The following HMGB1 variants were observed in gnomAD, a reference collection of about 807,000 sequenced individuals.
HMGB1 encodes the protein high mobility group protein B1.
For synonymous variants in HMGB1, 81 were observed against 84.0 expected, an observed-to-expected ratio of 0.96 and a Z score of 0.19; for missense variants, 79 against 253.5, an observed-to-expected ratio of 0.31 and a Z score of 4.67.
chr13:30,608,363 T>G (rs1054424423), intron 1 of HMGB1, among the ~76,000 whole-genome samples: 7 of 152,182 alleles, frequency 4.6e-5, no homozygotes, highest in Admixed American at 1.3e-4. Flanking sequence ...ACTTCATAAC[T>G]TATTTAGGTA....
intron 1 of HMGB1, chr13:30,541,112 T>G (rs1868856677): frequency 6.6e-6 from 1 of 152,194 alleles, no homozygotes; most frequent in Non-Finnish European, 1.5e-5. Flanking sequence ...GAATTTAGAT[T>G]TCCTAGCATT....
intron 1 of HMGB1, among the ~76,000 whole-genome samples, chr13:30,507,234 C>T (rs912787214): frequency 2.6e-5 from 4 of 152,186 alleles, no homozygotes; most frequent in Admixed American, 1.3e-4. Context: ...CTAATTTGGC[C>T]ACTTCCTGCT....
intron 1 of HMGB1, among the ~76,000 whole-genome samples, chr13:30,584,100 CAAAAT>C (rs1192520075): frequency 6.6e-6 from 1 of 151,664 alleles, no homozygotes; most frequent in Non-Finnish European, 1.5e-5. Context: ...AGGAAGGAAA[CAAAAT>C]AAAATAAAAT....
Position 30,457,546 on chromosome 13 carries a change from A to C in HMGB1, c.*3811T>G, listed in dbSNP as rs977060500. 3.3e-5 allele frequency: 5 copies of C among 152,212 alleles called. No individual in the cohort carries two copies. Among genetic ancestry groups the C allele is most frequent in the Non-Finnish European group, 7.3e-5 (5 of 68,044 alleles). The allele number at this position is 152,212 out of a possible 1,614,324, so 9.4% of individuals were successfully genotyped here. A position where few individuals can be genotyped will look rare whatever the true frequency, so the allele number is the denominator to read the frequency against. ...CCTGGGCAACATAGAGATTCTATGT[A>C]ATCTCTCATGTCAAAATAAGTAAAA... On this transcript the variant is annotated 3_prime_UTR_variant, in exon 5 of 5. Transcript: ENST00000341423.
intron 1 of HMGB1, among the ~76,000 whole-genome samples, chr13:30,492,748 T>C (rs1887524907): frequency 6.6e-6 from 1 of 152,072 alleles, no homozygotes; most frequent in South Asian, 2.1e-4. Context: ...CCTAGCACTT[T>C]GGGAGGCTGA....
chr13:30,495,977 A>C (rs1887602181), intron 1 of HMGB1, among the ~76,000 whole-genome samples: 1 of 152,182 alleles, frequency 6.6e-6, no homozygotes, highest in Non-Finnish European at 1.5e-5. Flanking sequence ...TAGACTCTAC[A>C]ACCATCTAGA....
chr13:30,544,994 T>C (rs756057787), intron 1 of HMGB1, among the ~76,000 whole-genome samples: 2 of 152,222 alleles, frequency 1.3e-5, no homozygotes, highest in Non-Finnish European at 2.9e-5. Flanking sequence ...TTATATAGCC[T>C]CTGATCTTGT....
At chr13:30,482,967 T>TC (rs1000490491) in intron 1 of HMGB1, among the ~76,000 whole-genome samples, 1 of 147,334 alleles carries the variant, frequency 6.8e-6, no homozygotes, top group African/African-American at 2.5e-5. Flanking sequence ...TTTTTTTTTT[T>TC]CCGTAGAGAC....
chr13:30,500,646 A>C (rs1481719799), intron 1 of HMGB1, among the ~76,000 whole-genome samples: 1 of 149,942 alleles, frequency 6.7e-6, no homozygotes, highest in Non-Finnish European at 1.5e-5. Context: ...GGTTCAAGCG[A>C]TTCTCCTGCC....
intron 1 of HMGB1, among the ~76,000 whole-genome samples, chr13:30,562,212 G>A (rs994147371): frequency 1.3e-5 from 2 of 151,080 alleles, no homozygotes; most frequent in Non-Finnish European, 2.9e-5. Context: ...CAGGAGAATC[G>A]CTTGAACCCA....
At chr13:30,565,633 G>T (rs894564244) in intron 1 of HMGB1, among the ~76,000 whole-genome samples, 1 of 152,216 alleles carries the variant, frequency 6.6e-6, no homozygotes, top group Non-Finnish European at 1.5e-5. Flanking sequence ...ATTCTGATTA[G>T]GTTAGGTCTG....
chr13:30,582,295 A>T (rs1870932746), intron 1 of HMGB1, among the ~76,000 whole-genome samples: 1 of 152,218 alleles, frequency 6.6e-6, no homozygotes, highest in African/African-American at 2.4e-5. Context: ...TTAAAAATAC[A>T]TTATTTTAAA....
chr13:30,547,857 G>T (rs1337450314), intron 1 of HMGB1, among the ~76,000 whole-genome samples: 1 of 152,160 alleles, frequency 6.6e-6, no homozygotes, highest in Non-Finnish European at 1.5e-5. Flanking sequence ...GGCAGAGGCT[G>T]CAGTGAGCCA....
intron 1 of HMGB1, among the ~76,000 whole-genome samples, chr13:30,491,807 A>C (rs751827942): frequency 6.6e-6 from 1 of 152,248 alleles, no homozygotes; most frequent in Non-Finnish European, 1.5e-5. Context: ...AGGACAAAAA[A>C]AGCAAACTTT....
upstream of HMGB1, among the ~76,000 whole-genome samples, chr13:30,467,086 T>G (rs1209560853): frequency 6.6e-6 from 1 of 152,256 alleles, no homozygotes; most frequent in Admixed American, 6.5e-5. Flanking sequence ...CATACTTACG[T>G]CTGTAGAGAA....
At chr13:30,520,119 C>T (rs146084321) in intron 1 of HMGB1, among the ~76,000 whole-genome samples, 20,288 of 151,864 alleles carry the variant, frequency 0.13, 1,441 homozygotes, top group East Asian at 0.27. Context: ...CTCAGGAGTT[C>T]GAGACCAGCC....
intron 1 of HMGB1, among the ~76,000 whole-genome samples, chr13:30,548,046 T>C (rs1163575719): frequency 1.3e-5 from 2 of 152,226 alleles, no homozygotes; most frequent in African/African-American, 2.4e-5. Flanking sequence ...AAATTTGCAA[T>C]AGGAATACCA....
At chr13:30,579,006 G>A (rs1870785194) in intron 1 of HMGB1, among the ~76,000 whole-genome samples, 1 of 152,154 alleles carries the variant, frequency 6.6e-6, no homozygotes, top group Non-Finnish European at 1.5e-5. Flanking sequence ...AGATAGCACA[G>A]GACTTACCAC....
chr13:30,512,665 A>G (rs769981201), intron 1 of HMGB1, among the ~76,000 whole-genome samples: 2 of 152,228 alleles, frequency 1.3e-5, no homozygotes, highest in Non-Finnish European at 2.9e-5. Context: ...AAGTAAGGCC[A>G]CTGCTGAGAA....
Sources: gnomAD v4.1 joint callset for allele counts (sites outside exome capture counted in the v4.1 genomes callset) on GRCh38, gnomAD v4.1.1 for gene constraint, MANE v1.5 for transcripts, NCBI Gene and HGNC (gene_info 2026-07-23, HGNC 2026-07-21) for gene names.